The following SNTB1 variants were observed in gnomAD, a reference collection of about 807,000 sequenced individuals.
SNTB1 encodes the protein beta-1-syntrophin.
SNTB1 carries 36 observed loss-of-function variants against 48.9 expected under a neutral mutation model. That is an observed-to-expected ratio of 0.74 (90% CI 0.56 to 0.97). SNTB1 has a LOEUF of 0.97. Ranked by LOEUF, SNTB1 falls within the 50% of genes least tolerant of loss-of-function variation. The pLI is 0.00. For synonymous variants in SNTB1, 299 were observed against 294.6 expected, an observed-to-expected ratio of 1.01 and a Z score of -0.15; for missense variants, 786 against 703.4, an observed-to-expected ratio of 1.12 and a Z score of -1.33.
At chr8:120,720,379 T>C (rs975359037) in intron 1 of SNTB1, among the ~76,000 whole-genome samples, 1 of 152,254 alleles carries the variant, frequency 6.6e-6, no homozygotes, top group Non-Finnish European at 1.5e-5. Context: ...TATCAAGTCC[T>C]CCTGACTCTC....
chr8:120,612,432 G>A (rs1233302711), intron 3 of SNTB1, among the ~76,000 whole-genome samples: 1 of 152,186 alleles, frequency 6.6e-6, no homozygotes, highest in Non-Finnish European at 1.5e-5. Flanking sequence ...ATACAGTGGT[G>A]GTTATTAAAC....
At position 120,811,540 on chromosome 8, in the gene SNTB1, C is replaced by A. The variant is rs1487396830; in HGVS notation, c.304G>T (p.Val102Leu). The change falls in exon 1 of 7, where the codon GTG becomes TTG. Residue 102 changes from valine (V) to leucine (L), a missense_variant. Val to Leu is a conservative substitution (Grantham distance 32). Coordinates refer to ENST00000517992, the MANE Select transcript of SNTB1 (RefSeq NM_021021.4). ...TTCTGGTTCGAGATGGACTCGGGCA[C>A]CTGCTCGGGCAGGTCGGTGAAAGCG... is the stretch of plus-strand genomic sequence containing the variant. The part of the protein sequence containing the change: ...RTAFTDLPEQ[V>L]PESISNQKRG... 6.2e-7 allele frequency: 1 copy of A among 1,606,640 alleles called. No individual in the cohort carries two copies. Among genetic ancestry groups the A allele is most frequent in the Non-Finnish European group, 8.5e-7 (1 of 1,176,568 alleles).
chr8:120,588,294 C>T (rs1816181889), intron 3 of SNTB1, among the ~76,000 whole-genome samples: 1 of 151,630 alleles, frequency 6.6e-6, no homozygotes, highest in African/African-American at 2.4e-5. Flanking sequence ...TATGGCTATT[C>T]AGTAATGTCA....
chr8:120,611,736 C>G (rs534901783), intron 3 of SNTB1, among the ~76,000 whole-genome samples: 76 of 147,668 alleles, frequency 5.1e-4, no homozygotes, highest in Non-Finnish European at 8.6e-4. Context: ...GCAGGAGAAT[C>G]GCTTGAACCC....
chr8:120,701,148 T>C (rs1478053189), intron 1 of SNTB1, among the ~76,000 whole-genome samples: 1 of 152,146 alleles, frequency 6.6e-6, no homozygotes, highest in Non-Finnish European at 1.5e-5. Flanking sequence ...CCAGGTCATC[T>C]TAGGGAGGAA....
chr8:120,737,329 C>G (rs970336625), intron 1 of SNTB1, among the ~76,000 whole-genome samples: 3 of 152,084 alleles, frequency 2.0e-5, no homozygotes, highest in African/African-American at 7.2e-5. Context: ...TGAAAAAACA[C>G]TTTGTCGACT....
chr8:120,608,203 AT>A (rs1816556958), intron 3 of SNTB1, among the ~76,000 whole-genome samples: 1 of 152,174 alleles, frequency 6.6e-6, no homozygotes, highest in Admixed American at 6.5e-5. Flanking sequence ...ACTGTCCAAA[AT>A]TTCAAATTGC....
At chr8:120,567,681 A>G (rs1271730285) in intron 4 of SNTB1, among the ~76,000 whole-genome samples, 2 of 152,032 alleles carry the variant, frequency 1.3e-5, no homozygotes, top group Non-Finnish European at 2.9e-5. Flanking sequence ...TCAGCCTCCC[A>G]AAGTCCTGGG....
intron 4 of SNTB1, chr8:120,571,198 T>C: frequency 8.0e-7 from 1 of 1,246,296 alleles, no homozygotes; most frequent in Non-Finnish European, 1.0e-6. Flanking sequence ...TGCCTGAGAG[T>C]TGCAGAAACT....
rs552834881 is a variant in SNTB1 at position 120,593,193 on chromosome 8, A to G, written c.997-17968T>C. On this transcript the variant is annotated intron_variant, in intron 3 of 6. Transcript: ENST00000517992. ...AGAACTATGAGGTCAGTAAAGTTTA[A>G]TCGTGGTGCCAGGGACGATATTCAA... Among the ~76,000 whole-genome samples, 13 of 152,302 alleles carry G rather than the reference A, an allele frequency of 8.5e-5. 1 individual carries two copies. The South Asian group carries it at 2.3e-3, about 27-fold the overall frequency.
intron 4 of SNTB1, among the ~76,000 whole-genome samples, chr8:120,574,234 A>G (rs1288689344): frequency 6.6e-6 from 1 of 152,214 alleles, no homozygotes; most frequent in Non-Finnish European, 1.5e-5. Flanking sequence ...TGTGTTGGCC[A>G]AAGGGCACGA....
chr8:120,630,904 C>G (rs4584179), intron 3 of SNTB1, among the ~76,000 whole-genome samples: 104,165 of 152,046 alleles, frequency 0.69, 35,959 homozygotes, highest in East Asian at 0.76. Flanking sequence ...GCCTGGAACC[C>G]TCAGGCCAAC....
At chr8:120,772,570 GTGTGTTTGTGTA>G (rs1258390044) in intron 1 of SNTB1, among the ~76,000 whole-genome samples, 7 of 152,170 alleles carry the variant, frequency 4.6e-5, no homozygotes, top group African/African-American at 1.4e-4. Context: ...TAAAATGTGT[GTGTGTTTGTGTA>G]TGTGTGTAAA....
chr8:120,673,330 G>A (rs1212955875), intron 2 of SNTB1, among the ~76,000 whole-genome samples: 4 of 148,160 alleles, frequency 2.7e-5, no homozygotes, highest in South Asian at 4.3e-4. Context: ...TCACTCTGTC[G>A]CCCAGGCTGG....
intron 3 of SNTB1, among the ~76,000 whole-genome samples, chr8:120,630,559 A>T (rs1054363795): frequency 6.6e-6 from 1 of 152,126 alleles, no homozygotes; most frequent in Non-Finnish European, 1.5e-5. Flanking sequence ...AGGATCCTGA[A>T]ATATGTGCTA....
At chr8:120,747,745 A>G (rs1024044836) in intron 1 of SNTB1, among the ~76,000 whole-genome samples, 3 of 148,100 alleles carry the variant, frequency 2.0e-5, no homozygotes, top group African/African-American at 7.7e-5. Flanking sequence ...TACCTGGGTG[A>G]AGAAATCTGT....
At chr8:120,635,391 TTTCAAG>T (rs1328458970) in intron 2 of SNTB1, among the ~76,000 whole-genome samples, 1 of 152,218 alleles carries the variant, frequency 6.6e-6, no homozygotes, top group Non-Finnish European at 1.5e-5. Flanking sequence ...TTAACTGGCT[TTTCAAG>T]TTATTCTGCC....
In SNTB1 at chr8:120,581,435, C is replaced by T. The variant is rs1252194519; in HGVS notation, c.997-6210G>A. Among the ~76,000 whole-genome samples, 5 of 151,778 alleles carry T rather than the reference C, an allele frequency of 3.3e-5. No homozygotes were observed. In the East Asian group the frequency reaches 9.8e-4, roughly 30 times the overall value. Reference sequence around the variant, plus strand: ...CCTGGCCAACATGGTGAAAACTCGTCTCTACTAAAAATACAAAAATTAGCG... The same window carrying T: ...CCTGGCCAACATGGTGAAAACTCGTTTCTACTAAAAATACAAAAATTAGCG... On this transcript the variant is annotated intron_variant, in intron 3 of 6. Transcript: ENST00000517992.
intron 4 of SNTB1, among the ~76,000 whole-genome samples, chr8:120,553,058 C>A (rs1045178762): frequency 6.6e-6 from 1 of 152,286 alleles, no homozygotes; most frequent in Non-Finnish European, 1.5e-5. Flanking sequence ...ACAGATGAAG[C>A]TTTGCTTGCT....
Sources: allele counts gnomAD v4.1 joint callset (sites outside exome capture counted in the v4.1 genomes callset), GRCh38; gene constraint gnomAD v4.1.1; transcripts MANE v1.5; gene names NCBI Gene and HGNC (gene_info 2026-07-23, HGNC 2026-07-21).